Variants in RPUSD3 observed in about 807,000 individuals in gnomAD.
RPUSD3 encodes the protein mitochondrial mRNA pseudouridine synthase RPUSD3.
Under a neutral mutation model 35.1 loss-of-function variants are expected in RPUSD3, and 36 were observed. That is an observed-to-expected ratio of 1.02 (90% CI 0.79 to 1.35). The LOEUF is 1.35. RPUSD3 is among the 40% of genes most tolerant of loss of function. The probability of loss-of-function intolerance (pLI) is 0.00; values close to 1 mark genes in which losing one functional copy is unlikely to be tolerated. For missense variants in RPUSD3, 486 were observed against 441.9 expected, an observed-to-expected ratio of 1.10 and a Z score of -0.89; for synonymous variants, 202 against 187.8, an observed-to-expected ratio of 1.08 and a Z score of -0.62.
chr3:9,838,088 A>T (rs2082047597), exon 9 of RPUSD3: 1 of 1,612,098 alleles, frequency 6.2e-7, no homozygotes, highest in African/African-American at 1.3e-5. Flanking sequence ...GGAGCTCAAC[A>T]GGGGTGTCCC....
chr3:9,840,863 G>A, intron 4 of RPUSD3, 58 bp from the exon 5 acceptor site: 4 of 1,383,194 alleles, frequency 2.9e-6, no homozygotes, highest in Non-Finnish European at 4.0e-6. Context: ...CCACTAAAAA[G>A]GAAACTCTTA....
exon 2 of RPUSD3, chr3:9,843,566 G>C (rs780417963): frequency 3.7e-6 from 6 of 1,613,752 alleles, no homozygotes; most frequent in Non-Finnish European, 5.1e-6. Context: ...GAGGGGCCCC[G>C]ACCGTTGGCA....
chr3:9,843,225 A>C lies in RPUSD3; in HGVS notation c.262+240T>G, dbSNP rs1044512495. 1.7e-5 allele frequency: 10 copies of C among 576,828 alleles called. No individual in the cohort carries two copies. In the African/African-American group the frequency reaches 1.9e-4, roughly 11 times the overall value. 35.7% of individuals were successfully genotyped at this position (576,828 alleles called of 1,614,324 possible). ...TCTAGTATAGCAACTCCCGTAACTG[A>C]GCGCCGGCTATGTGCAAGGCTCGGT... On this transcript the variant is annotated intron_variant, in intron 2 of 8. Coordinates refer to ENST00000383820, the Ensembl canonical transcript of RPUSD3.
rs781743962 is a variant in RPUSD3 at position 9,843,577 on chromosome 3, G to A, written c.150C>T (p.Ser50=). The stretch of plus-strand genomic sequence containing the variant: ...CCCCGAGGGGCCCCGACCGTTGGCA[G>A]GAGCCGCGGGGTTGCCTCTGATGCC... The change falls in exon 2 of 9, where the codon TCC becomes TCT. Residue 50 remains serine, a synonymous_variant. Coordinates refer to ENST00000383820, the Ensembl canonical transcript of RPUSD3. 13 of 1,613,656 alleles carry A rather than the reference G, an allele frequency of 8.1e-6. No homozygotes were observed. The South Asian group carries it at 1.4e-4, about 18-fold the overall frequency.
At position 9,840,523 on chromosome 3, in the gene RPUSD3, C is replaced by T. The variant is rs771375737; in HGVS notation, c.600+9G>A. 17 of 1,613,620 alleles carry T rather than the reference C, an allele frequency of 1.1e-5. No homozygotes were observed. Among genetic ancestry groups the T allele is most frequent in the Non-Finnish European group, 1.2e-5 (14 of 1,179,706 alleles). On this transcript the variant is annotated intron_variant, in intron 6 of 8. Coordinates refer to ENST00000383820, the Ensembl canonical transcript of RPUSD3. ...GAAGCACCCCTCCTCTTCCCAGACCCGGACTCACGAGATTGACCCCATCAA... is the reference window on the plus strand; with the variant it reads ...GAAGCACCCCTCCTCTTCCCAGACCTGGACTCACGAGATTGACCCCATCAA...
rs753911476 is a variant in RPUSD3, at chr3:9,839,005, A to G, written c.864+27T>C. The G allele has an allele frequency of 8.7e-6, 14 of 1,613,872 alleles. No homozygotes were observed. The South Asian group carries it at 1.5e-4, about 18-fold the overall frequency. On this transcript the variant is annotated intron_variant, in intron 8 of 8. Transcript: ENST00000383820. ...CTCACCTCTCCCTCCACCCCTCAGA[A>G]AGCAGCAGGCAGGTGGGCTGGAGTA...
At chr3:9,842,126 G>A in intron 3 of RPUSD3, 44 bp from the exon 4 acceptor site, 1 of 1,611,346 alleles carries the variant, frequency 6.2e-7, no homozygotes, top group East Asian at 2.2e-5. Context: ...AAAGCTTCAT[G>A]CCTTCACTTT....
At chr3:9,841,861 G>A (rs2082108809) in intron 4 of RPUSD3, 122 bp downstream of exon 4, 2 of 805,392 alleles carry the variant, frequency 2.5e-6, no homozygotes, top group South Asian at 3.3e-5. Context: ...CACAGTACTT[G>A]TATCCACCTC....
chr3:9,838,657 A>C (rs2082059353), intron 8 of RPUSD3, among the ~76,000 whole-genome samples: 1 of 152,148 alleles, frequency 6.6e-6, no homozygotes, highest in African/African-American at 2.4e-5. Context: ...TGACCTTAAC[A>C]TGAGGGCACA....
chr3:9,840,270 AGGATGTCCTTTCG>A lies in RPUSD3; in HGVS notation c.625_637del (p.Arg209TrpfsTer14), dbSNP rs1028711746. 51 of 1,614,054 alleles carry A rather than the reference AGGATGTCCTTTCG, an allele frequency of 3.2e-5. No individual in the cohort carries two copies. Among genetic ancestry groups the A allele is most frequent in the Non-Finnish European group, 4.0e-5 (47 of 1,180,030 alleles). ...ACTGAGAGTCTTCTTGACACCTTCC[AGGATGTCCTTTCG>A]GGATGGGGCCTTCACTGGAACTGTC... On this transcript the variant is annotated frameshift_variant, in exon 7 of 9. Transcript: ENST00000383820. LOFTEE classifies it high-confidence loss of function.
At chr3:9,843,708 A>C (rs918732335) in intron 1 of RPUSD3, 107 bp from the exon 2 acceptor site, 11 of 1,549,172 alleles carry the variant, frequency 7.1e-6, no homozygotes, top group Non-Finnish European at 9.6e-6. Flanking sequence ...CAAATGCCTC[A>C]CAATGTCTGG....
intron 6 of RPUSD3, 100 bp from the exon 7 acceptor site, chr3:9,840,407 G>T (rs1301819716): frequency 6.2e-7 from 1 of 1,607,906 alleles, no homozygotes; most frequent in Non-Finnish European, 8.5e-7. Flanking sequence ...CCACAGTATA[G>T]GCAGTGGTCA....
chr3:9,842,091 T>G lies in RPUSD3; in HGVS notation c.308-9A>C. The G allele has an allele frequency of 6.2e-7, 1 of 1,609,262 alleles. No homozygotes were observed. Among genetic ancestry groups the G allele is most frequent in the Non-Finnish European group, 8.5e-7 (1 of 1,176,810 alleles). ...CAGCTCTCCTGGTTTTCCTGGAAAG[T>G]AAGAAAGAAAAATTACAAGAGGCCA... On this transcript the variant is annotated splice_polypyrimidine_tract_variant and intron_variant, in intron 3 of 8. Coordinates refer to ENST00000383820, the Ensembl canonical transcript of RPUSD3.
At chr3:9,840,082 A>G (rs549925314) in intron 7 of RPUSD3, 102 bp downstream of exon 7, 1 of 1,458,778 alleles carries the variant, frequency 6.9e-7, no homozygotes, top group Non-Finnish European at 9.2e-7. Flanking sequence ...GGGTTTCACC[A>G]TCTTGGCCAG....
Position 9,839,013 on chromosome 3 carries a change from GGCA to G in RPUSD3, c.864+16_864+18del, listed in dbSNP as rs139315935. 368 of 1,614,044 alleles carry G rather than the reference GGCA, an allele frequency of 2.3e-4. No individual in the cohort carries two copies. The highest frequency in any genetic ancestry group is 3.0e-4 in the Admixed American group (18 of 60,020). ...TCCCTCCACCCCTCAGAAAGCAGCA[GGCA>G]GGTGGGCTGGAGTACCTGTCTTTGG... On this transcript the variant is annotated intron_variant, in intron 8 of 8. Transcript: ENST00000383820.
chr3:9,841,636 A>C (rs2082105297), intron 4 of RPUSD3: 3 of 181,830 alleles, frequency 1.6e-5, no homozygotes, highest in African/African-American at 7.1e-5. Context: ...CCACGCGGAA[A>C]GTTTTGTTGT....
Position 9,843,877 on chromosome 3 carries a change from G to A in RPUSD3, c.125+13C>T, listed in dbSNP as rs562457311. 36 of 1,599,168 alleles carry A rather than the reference G, an allele frequency of 2.3e-5. 1 individual carries two copies. In the South Asian group the frequency reaches 3.0e-4, roughly 14 times the overall value. ...AGCCTCCGTCCCGCATGAGAGAGGGGGTACTTAATCACCGGGCTTCGGTGC... is the reference window on the plus strand; with the variant it reads ...AGCCTCCGTCCCGCATGAGAGAGGGAGTACTTAATCACCGGGCTTCGGTGC... On this transcript the variant is annotated intron_variant, in intron 1 of 8. Transcript: ENST00000383820.
chr3:9,842,033 C>T, exon 4 of RPUSD3: 1 of 1,613,770 alleles, frequency 6.2e-7, no homozygotes, highest in Non-Finnish European at 8.5e-7. Context: ...GCCCTAGGGA[C>T]TGGCTCAGCT....
exon 1 of RPUSD3, chr3:9,843,984 C>T: frequency 6.3e-7 from 1 of 1,599,556 alleles, no homozygotes; most frequent in African/African-American, 1.3e-5. Context: ...ACACGGCGGC[C>T]GTCCATCTCC....
Sources: allele counts gnomAD v4.1 joint callset (sites outside exome capture counted in the v4.1 genomes callset), GRCh38; gene constraint gnomAD v4.1.1; transcripts MANE v1.5; gene names NCBI Gene and HGNC (gene_info 2026-07-23, HGNC 2026-07-21).